Variants in ENDOG observed in about 807,000 individuals in gnomAD.
ENDOG encodes the protein endonuclease G, mitochondrial.
ENDOG carries 22 observed loss-of-function variants against 22.6 expected under a neutral mutation model. The observed-to-expected ratio is 0.97, with a 90% confidence interval of 0.70 to 1.39. ENDOG has a LOEUF of 1.39. ENDOG is among the 40% of genes most tolerant of loss of function. ENDOG has a pLI of 0.00. For missense variants in ENDOG, 403 were observed against 431.3 expected (o/e 0.93, Z 0.58); for synonymous variants, 173 against 200.2 (o/e 0.86, Z 1.15).
In ENDOG at chr9:128,822,634, G is replaced by A. The variant is rs1830148133; in HGVS notation, c.*24G>A. The A allele has an allele frequency of 3.2e-6, 5 of 1,560,544 alleles. No individual in the cohort carries two copies. The highest frequency in any genetic ancestry group is 1.7e-4 in the Middle Eastern group (1 of 6,018). On this transcript the variant is annotated 3_prime_UTR_variant, in exon 3 of 3. Transcript: ENST00000372642. ...GAGGGTGGAGCCCAGTGAGACTGTG[G>A]GTGTGTGCAGGCCGGGGAGTATTAA...
At position 128,822,583 on chromosome 9, in the gene ENDOG, C is replaced by T. The variant is rs1488490143; in HGVS notation, c.867C>T (p.Leu289=). 1.9e-6 allele frequency: 3 copies of T among 1,569,528 alleles called. No individual in the cohort carries two copies. In the African/African-American group the frequency reaches 4.0e-5, roughly 21 times the overall value. The change falls in exon 3 of 3, where the codon CTC becomes CTT. Residue 289 remains leucine, a synonymous_variant. Coordinates refer to ENST00000372642, the MANE Select transcript of ENDOG (RefSeq NM_004435.2). ...VPNILARAGS[L]KAITAGSK ...ACATCCTGGCGCGGGCAGGCAGCCT[C>T]AAGGCCATCACGGCGGGCAGTAAGT... is the stretch of plus-strand genomic sequence containing the variant.
Position 128,818,803 on chromosome 9 carries a change from T to G in ENDOG, c.119T>G (p.Leu40Arg). The change falls in exon 1 of 3, where the codon CTG becomes CGG. Residue 40 changes from leucine (L) to arginine (R), a missense_variant. Leu to Arg is a moderately radical substitution (Grantham distance 102). Transcript: ENST00000372642. The part of the protein sequence containing the change: ...ARAAPGLLGR[L>R]PVLPVAAAAE... ...GCGGCGCCGGGACTGCTGGGCCGGC[T>G]GCCCGTGCTGCCCGTGGCGGCGGCA... The G allele has an allele frequency of 1.6e-6, 2 of 1,254,404 alleles. No homozygotes were observed. Among genetic ancestry groups the G allele is most frequent in the Non-Finnish European group, 2.0e-6 (2 of 999,996 alleles). The allele number at this position is 1,254,404 out of a possible 1,614,324, so 77.7% of individuals were successfully genotyped here.
chr9:128,820,412 C>T (rs888824630), intron 1 of ENDOG: 7 of 278,742 alleles, frequency 2.5e-5, no homozygotes, highest in African/African-American at 1.5e-4. Context: ...GTTGGAAGGG[C>T]TGGTCTTCCC....
At position 128,818,510 on chromosome 9, in the gene ENDOG, G is replaced by C; in HGVS notation, c.-175G>C. The C allele has an allele frequency of 7.6e-6, 5 of 659,078 alleles. No homozygotes were observed. Among genetic ancestry groups the C allele is most frequent in the Non-Finnish European group, 9.7e-6 (5 of 513,234 alleles). 40.8% of individuals were successfully genotyped at this position (659,078 alleles called of 1,614,324 possible). A position where few individuals can be genotyped will look rare whatever the true frequency, so the allele number is the denominator to read the frequency against. ...GAAAGGACGCCGGGGACACCCGGTTGGGCTCTGCTGCTCCCTTCTGGGTTC... is the reference window on the plus strand; with the variant it reads ...GAAAGGACGCCGGGGACACCCGGTTCGGCTCTGCTGCTCCCTTCTGGGTTC... On this transcript the variant is annotated 5_prime_UTR_variant, in exon 1 of 3. Coordinates refer to ENST00000372642, the MANE Select transcript of ENDOG (RefSeq NM_004435.2).
rs1008939175 is a variant in ENDOG, at chr9:128,818,621, G to C, written c.-64G>C. On this transcript the variant is annotated 5_prime_UTR_variant, in exon 1 of 3. Transcript: ENST00000372642. Reference sequence around the variant, plus strand: ...CCCCAGCAGCCCTGTGCCCTCGTTGGATCCCGCGACGCGGCTCCTTTAAGA... The same window carrying C: ...CCCCAGCAGCCCTGTGCCCTCGTTGCATCCCGCGACGCGGCTCCTTTAAGA... 9.1e-7 allele frequency: 1 copy of C among 1,104,534 alleles called. No homozygotes were observed. Among genetic ancestry groups the C allele is most frequent in the Non-Finnish European group, 1.1e-6 (1 of 906,768 alleles). 68.4% of individuals were successfully genotyped at this position (1,104,534 alleles called of 1,614,324 possible).
At position 128,822,254 on chromosome 9, in the gene ENDOG, G is replaced by A. The variant is rs1589590817; in HGVS notation, c.612-74G>A. On this transcript the variant is annotated intron_variant, in intron 2 of 2. Transcript: ENST00000372642. ...TGACAGAAGTTAGAGGACAGATCAG[G>A]GAAGGCTGCCTGGAAGAGGTGGCTT... The A allele has an allele frequency of 3.2e-6, 5 of 1,550,170 alleles. No individual in the cohort carries two copies. The East Asian group carries it at 6.8e-5, about 21-fold the overall frequency.
At chr9:128,819,210 C>G in intron 1 of ENDOG, 25 bp downstream of exon 1, 1 of 1,442,400 alleles carries the variant, frequency 6.9e-7, no homozygotes, top group Non-Finnish European at 9.0e-7. Context: ...CCGGGCCGGT[C>G]GCGGAATGCG....
At chr9:128,819,240 C>A (rs1050230882) in intron 1 of ENDOG, 55 bp downstream of exon 1, 2 of 1,405,626 alleles carry the variant, frequency 1.4e-6, no homozygotes, top group Non-Finnish European at 1.8e-6. Context: ...CCTGGCCTCG[C>A]GGGGCCTCGG....
At position 128,820,786 on chromosome 9, in the gene ENDOG, C is replaced by G; in HGVS notation, c.549C>G (p.Ser183Arg). 1.2e-5 allele frequency: 19 copies of G among 1,612,540 alleles called. No individual in the cohort carries two copies. The highest frequency in any genetic ancestry group is 1.4e-5 in the Non-Finnish European group (17 of 1,179,352). Residue 183 changes from serine (S) to arginine (R), a missense_variant, in exon 2 of 3, where the codon AGC becomes AGG. Ser to Arg is a moderately radical substitution (Grantham distance 110). Transcript: ENST00000372642. ...QNAWNNLEKY[S>R]RSLTRSYQNV... ...CCTGGAACAACCTGGAGAAATATAG[C>G]CGCAGCTTGACCCGCAGCTACCAAA...
At chr9:128,819,505 A>T (rs944531368) in intron 1 of ENDOG, 21 of 337,352 alleles carry the variant, frequency 6.2e-5, no homozygotes, top group African/African-American at 4.6e-4. Flanking sequence ...AGGCAAAGTG[A>T]CGGGCACAGT....
rs373173328 is a variant in ENDOG at position 128,822,457 on chromosome 9, C to T, written c.741C>T (p.Tyr247=). Reference sequence around the variant, plus strand: ...GTGGGCAAATTGAGCTCCGCACCTACGTGATGCCCAACGCACCTGTGGATG... The same window carrying T: ...GTGGGCAAATTGAGCTCCGCACCTATGTGATGCCCAACGCACCTGTGGATG... ...AAGGQIELRT[Y]VMPNAPVDEA... Residue 247 remains tyrosine (Y), a synonymous_variant, in exon 3 of 3, where the codon TAC becomes TAT. Coordinates refer to ENST00000372642, the MANE Select transcript of ENDOG (RefSeq NM_004435.2). 26 of 1,581,676 alleles carry T rather than the reference C, an allele frequency of 1.6e-5. No homozygotes were observed. The African/African-American group carries it at 2.2e-4, about 13-fold the overall frequency.
Position 128,818,939 on chromosome 9 carries a change from C to T in ENDOG, c.255C>T (p.Tyr85=). Residue 85 remains tyrosine, a synonymous_variant, in exon 1 of 3, where the codon TAC becomes TAT. Coordinates refer to ENST00000372642, the MANE Select transcript of ENDOG (RefSeq NM_004435.2). ...GCCGCGAGTCGTACGTGCTGTGCTA[C>T]GACCCGCGCACCCGCGGCGCGCTCT... ...LKSRESYVLC[Y]DPRTRGALWV... 1 of 1,493,020 alleles carries T rather than the reference C, an allele frequency of 6.7e-7. No homozygotes were observed. The highest frequency in any genetic ancestry group is 8.9e-7 in the Non-Finnish European group (1 of 1,129,476). 92.5% of individuals were successfully genotyped at this position (1,493,020 alleles called of 1,614,324 possible). A position where few individuals can be genotyped will look rare whatever the true frequency, so the allele number is the denominator to read the frequency against.
Position 128,819,113 on chromosome 9 carries a change from C to A in ENDOG, c.429C>A (p.Ala143=), listed in dbSNP as rs1383217983. The A allele has an allele frequency of 6.6e-7, 1 of 1,519,468 alleles. No individual in the cohort carries two copies. Among genetic ancestry groups the A allele is most frequent in the East Asian group, 2.7e-5 (1 of 36,754 alleles). The allele number at this position is 1,519,468 out of a possible 1,614,324, so 94.1% of individuals were successfully genotyped here. A position where few individuals can be genotyped will look rare whatever the true frequency, so the allele number is the denominator to read the frequency against. ...GTGGCTTCGACCGCGGTCACCTGGC[C>A]GCCGCCGCCAACCACCGCTGGAGCC... The part of the protein sequence containing the change: ...RGSGFDRGHL[A]AAANHRWSQK... The change falls in exon 1 of 3, where the codon GCC becomes GCA. Residue 143 remains alanine (A), a synonymous_variant. Transcript: ENST00000372642.
At position 128,818,575 on chromosome 9, in the gene ENDOG, A is replaced by C. The variant is rs1406075957; in HGVS notation, c.-110A>C. 1.5e-5 allele frequency: 15 copies of C among 1,029,714 alleles called. No homozygotes were observed. Among genetic ancestry groups the C allele is most frequent in the African/African-American group, 1.7e-5 (1 of 57,826 alleles). 63.8% of individuals were successfully genotyped at this position (1,029,714 alleles called of 1,614,324 possible). ...TTGGCAGTGTTTGTGAGTGGAAGGG[A>C]GGTCACGCTATCGTCCGCGGCCCCA... On this transcript the variant is annotated 5_prime_UTR_variant, in exon 1 of 3. Transcript: ENST00000372642.
chr9:128,819,426 C>CA (rs370236345), intron 1 of ENDOG, among the ~76,000 whole-genome samples: 5 of 152,232 alleles, frequency 3.3e-5, no homozygotes, highest in South Asian at 2.1e-4. Flanking sequence ...CTTTCCTCGT[C>CA]AAAAAAATGG....
intron 1 of ENDOG, 72 bp downstream of exon 1, chr9:128,819,257 C>T (rs1008718338): frequency 1.4e-5 from 19 of 1,395,572 alleles, no homozygotes; most frequent in African/African-American, 4.6e-5. Context: ...TCGGTTTGTT[C>T]TTCTGCAGAA....
rs2132573772 is a variant in ENDOG at position 128,819,002 on chromosome 9, C to T, written c.318C>T (p.Gly106=). The T allele has an allele frequency of 6.7e-7, 1 of 1,482,376 alleles. No homozygotes were observed. The highest frequency in any genetic ancestry group is 8.9e-7 in the Non-Finnish European group (1 of 1,124,498). 91.8% of individuals were successfully genotyped at this position (1,482,376 alleles called of 1,614,324 possible). The change falls in exon 1 of 3, where the codon GGC becomes GGT. Residue 106 remains glycine, a synonymous_variant. Transcript: ENST00000372642. Reference sequence around the variant, plus strand: ...AGCTGCGACCCGAGCGTCTCCGCGGCGACGGCGACCGGCGCGAGTGCGACT... The same window carrying T: ...AGCTGCGACCCGAGCGTCTCCGCGGTGACGGCGACCGGCGCGAGTGCGACT... The part of the protein sequence containing the change: ...VEQLRPERLR[G]DGDRRECDFR...
chr9:128,819,225 C>A, intron 1 of ENDOG, 40 bp downstream of exon 1: 1 of 1,422,046 alleles, frequency 7.0e-7, no homozygotes, highest in East Asian at 3.0e-5. Flanking sequence ...AATGCGGGGC[C>A]GGCGCCTGGC....
chr9:128,821,442 G>A (rs543211186), intron 2 of ENDOG: 88 of 159,744 alleles, frequency 5.5e-4, no homozygotes, highest in Admixed American at 1.0e-3. Context: ...CTGCAGGTCC[G>A]CGGTGCACCA....
Sources: allele counts gnomAD v4.1 joint callset (sites outside exome capture counted in the v4.1 genomes callset), GRCh38; gene constraint gnomAD v4.1.1; transcripts MANE v1.5; gene names NCBI Gene and HGNC (gene_info 2026-07-23, HGNC 2026-07-21).